Variants in UGT1A9 observed in about 807,000 individuals in gnomAD.
UGT1A9 encodes the protein UDP glucuronosyltransferase family 1 member A9, also known as UDP-glucuronosyltransferase 1A9.
UGT1A9 carries 35 observed loss-of-function variants against 45.0 expected under a neutral mutation model. The observed-to-expected ratio is 0.78, with a 90% confidence interval of 0.59 to 1.03. UGT1A9 has a LOEUF of 1.03. Ranked by LOEUF, UGT1A9 falls within the 50% of genes least tolerant of loss-of-function variation. The probability of loss-of-function intolerance (pLI) is 0.00; values close to 1 mark genes in which losing one functional copy is unlikely to be tolerated. For missense variants in UGT1A9, 687 were observed against 666.6 expected (o/e 1.03, Z -0.34); for synonymous variants, 278 against 250.6 (o/e 1.11, Z -1.03).
At chr2:233,684,775 C>T (rs2074700637) in intron 1 of UGT1A9, among the ~76,000 whole-genome samples, 1 of 151,736 alleles carries the variant, frequency 6.6e-6, no homozygotes, top group Non-Finnish European at 1.5e-5. Flanking sequence ...TAAAGAGTGC[C>T]CTTTGGCAAA....
At chr2:233,742,441 G>A (rs1332580930) in intron 1 of UGT1A9, among the ~76,000 whole-genome samples, 1 of 151,942 alleles carries the variant, frequency 6.6e-6, no homozygotes, top group African/African-American at 2.4e-5. Flanking sequence ...CCCTGGGTGG[G>A]CCAGGTGTTC....
chr2:233,686,477 A>G (rs1028028243), intron 1 of UGT1A9, among the ~76,000 whole-genome samples: 3 of 151,912 alleles, frequency 2.0e-5, no homozygotes, highest in South Asian at 2.1e-4. Flanking sequence ...TTCCTTTCCT[A>G]TGAAACTTTC....
chr2:233,743,731 G>T (rs373030535), intron 1 of UGT1A9: 5 of 1,367,244 alleles, frequency 3.7e-6, no homozygotes, highest in African/African-American at 3.0e-5. Context: ...CATAGATATC[G>T]CGTTTCTTGG....
At chr2:233,754,192 G>A (rs1695415440) in intron 1 of UGT1A9, 1 of 162,150 alleles carries the variant, frequency 6.2e-6, no homozygotes. Flanking sequence ...CCACCACACA[G>A]TAAAACATTG....
In UGT1A9 at chr2:233,672,633, A is replaced by G; in HGVS notation, c.699A>G (p.Glu233=). The G allele has an allele frequency of 1.9e-6, 3 of 1,613,882 alleles. No individual in the cohort carries two copies. Among genetic ancestry groups the G allele is most frequent in the Non-Finnish European group, 2.5e-6 (3 of 1,179,820 alleles). Residue 233 remains glutamate (E), a synonymous_variant, in exon 1 of 5, where the codon GAA becomes GAG. Transcript: ENST00000354728. ...AAAATGCCCTAGAAATAGCCTCTGA[A>G]ATTCTCCAAACACCTGTTACGGAGT... ...FFKNALEIAS[E]ILQTPVTEYD...
rs774677126 is a variant in UGT1A9 at position 233,772,538 on chromosome 2, C to A, written c.1572C>A (p.Ala524=). The change falls in exon 5 of 5, where the codon GCC becomes GCA. Residue 524 remains alanine, a synonymous_variant. Coordinates refer to ENST00000354728, the MANE Select transcript of UGT1A9 (RefSeq NM_021027.3). ...CLGKKGRVKK[A]HKSKTH ...GGAAAAAAGGGCGAGTTAAGAAAGC[C>A]CACAAATCCAAGACCCATTGAGAAG... The A allele has an allele frequency of 3.7e-6, 6 of 1,613,922 alleles. No homozygotes were observed. The Admixed American group carries it at 8.3e-5, about 22-fold the overall frequency.
chr2:233,686,513 T>G (rs1175903416), intron 1 of UGT1A9, among the ~76,000 whole-genome samples: 1 of 152,132 alleles, frequency 6.6e-6, no homozygotes, highest in Non-Finnish European at 1.5e-5. Context: ...AGGTGGAGCC[T>G]CCACCTGCGT....
At chr2:233,697,515 TA>T (rs536054033) in intron 1 of UGT1A9, among the ~76,000 whole-genome samples, 97 of 150,120 alleles carry the variant, frequency 6.5e-4, no homozygotes, top group South Asian at 1.3e-3. Context: ...TTTTTTTTTT[TA>T]AAAAACTTTT....
chr2:233,754,024 C>G (rs763970261), intron 1 of UGT1A9, among the ~76,000 whole-genome samples: 2 of 152,198 alleles, frequency 1.3e-5, no homozygotes, highest in Non-Finnish European at 2.9e-5. Context: ...TGATAGGAAA[C>G]GAATGCATCC....
At chr2:233,737,545 T>C (rs1322840903) in intron 1 of UGT1A9, among the ~76,000 whole-genome samples, 2 of 152,172 alleles carry the variant, frequency 1.3e-5, no homozygotes. Context: ...TGCTTCGGCT[T>C]GCCCTCAGTG....
At chr2:233,745,063 T>C (rs1693001663) in intron 1 of UGT1A9, among the ~76,000 whole-genome samples, 1 of 151,886 alleles carries the variant, frequency 6.6e-6, no homozygotes, top group African/African-American at 2.4e-5. Flanking sequence ...ATTTGTATTA[T>C]TTGTATTGTT....
chr2:233,712,755 G>A (rs28898599), intron 1 of UGT1A9, among the ~76,000 whole-genome samples: 1,732 of 152,288 alleles, frequency 0.011, 28 homozygotes, highest in African/African-American at 0.04. Context: ...TCCCCAGAGC[G>A]AGCGCAAGGT....
In UGT1A9 at chr2:233,701,052, T is replaced by A. The variant is rs545196754; in HGVS notation, c.855+28263T>A. Among the ~76,000 whole-genome samples, 24 of 152,314 alleles carry A rather than the reference T, an allele frequency of 1.6e-4. No homozygotes were observed. In the East Asian group the frequency reaches 4.4e-3, roughly 28 times the overall value. On this transcript the variant is annotated intron_variant, in intron 1 of 4. Transcript: ENST00000354728. ...TGTCCCTACAAAGGACATGAACTCA[T>A]AATTTTTTATGGCTGCATAGTATTC...
In UGT1A9 at chr2:233,768,412, C is replaced by T. The variant is rs756044146; in HGVS notation, c.1268C>T (p.Ala423Val). The change falls in exon 4 of 5, where the codon GCT becomes GTT. Residue 423 changes from alanine to valine, a missense_variant. By Grantham distance (64) the Ala-to-Val change is moderately conservative. Transcript: ENST00000354728. The stretch of plus-strand genomic sequence containing the variant: ...ATGACTTCTGAAGATTTAGAAAATG[C>T]TCTAAAAGCAGTCATCAATGACAAA... ...LEMTSEDLEN[A>V]LKAVINDKSY... 8.1e-6 allele frequency: 13 copies of T among 1,614,062 alleles called. No homozygotes were observed. Among genetic ancestry groups the T allele is most frequent in the Non-Finnish European group, 1.1e-5 (13 of 1,180,014 alleles).
chr2:233,734,624 C>A (rs1319602311), intron 1 of UGT1A9, among the ~76,000 whole-genome samples: 1 of 152,146 alleles, frequency 6.6e-6, no homozygotes, highest in Non-Finnish European at 1.5e-5. Flanking sequence ...GATTTTAGAT[C>A]TTTCCTGCTT....
intron 1 of UGT1A9, chr2:233,747,330 C>A (rs896598113): frequency 4.4e-6 from 7 of 1,603,408 alleles, no homozygotes; most frequent in Non-Finnish European, 6.0e-6. Context: ...TTGATGGCAG[C>A]CACTGGCTCG....
intron 1 of UGT1A9, chr2:233,693,065 T>TG: frequency 1.2e-6 from 2 of 1,614,144 alleles, no homozygotes; most frequent in East Asian, 4.5e-5. Context: ...CTTAGCACTT[T>TG]GGGGCATGGT....
intron 1 of UGT1A9, chr2:233,689,768 C>T (rs950157324): frequency 9.8e-6 from 3 of 307,510 alleles, no homozygotes; most frequent in Non-Finnish European, 1.9e-5. Context: ...AAAAACAACT[C>T]GGGGACATAT....
chr2:233,699,516 T>G (rs368218904), intron 1 of UGT1A9, among the ~76,000 whole-genome samples: 7 of 152,210 alleles, frequency 4.6e-5, no homozygotes, highest in African/African-American at 1.7e-4. Flanking sequence ...TGTTCAAGCC[T>G]TCCGAAGGAC....
Sources: gnomAD v4.1 joint callset for allele counts (sites outside exome capture counted in the v4.1 genomes callset) on GRCh38, gnomAD v4.1.1 for gene constraint, MANE v1.5 for transcripts, NCBI Gene and HGNC (gene_info 2026-07-23, HGNC 2026-07-21) for gene names.